Variants in DPP10 observed in about 807,000 individuals in gnomAD.
The protein encoded by DPP10 is inactive dipeptidyl peptidase 10.
A neutral mutation model predicts 120.9 loss-of-function variants in DPP10; 33 were observed. The observed-to-expected ratio is 0.27, with a 90% confidence interval of 0.21 to 0.37. The LOEUF is 0.37. Ranked by LOEUF, DPP10 falls within the 10% of genes least tolerant of loss-of-function variation. DPP10 has a pLI of 1.00. For synonymous variants in DPP10, 337 were observed against 326.1 expected (o/e 1.03, Z -0.36); for missense variants, 816 against 942.8 (o/e 0.87, Z 1.76).
intron 5 of DPP10, among the ~76,000 whole-genome samples, chr2:115,679,819 C>T (rs2090525593): frequency 6.6e-6 from 1 of 152,020 alleles, no homozygotes; most frequent in Admixed American, 6.6e-5. Context: ...AAGAGAAGAA[C>T]TGTGGTTATT....
intron 1 of DPP10, among the ~76,000 whole-genome samples, chr2:114,497,700 A>T (rs1380432731): frequency 6.6e-6 from 1 of 152,220 alleles, no homozygotes; most frequent in East Asian, 1.9e-4. Context: ...AGAGGATTTA[A>T]GTAATTTCAG....
At chr2:114,688,189 T>C (rs1303553995) in intron 1 of DPP10, among the ~76,000 whole-genome samples, 3 of 151,882 alleles carry the variant, frequency 2.0e-5, no homozygotes, top group African/African-American at 4.8e-5. Context: ...AACTAAAAAA[T>C]GATTAGTCAC....
chr2:115,192,230 T>G (rs2054933739), intron 1 of DPP10, among the ~76,000 whole-genome samples: 2 of 152,252 alleles, frequency 1.3e-5, no homozygotes, highest in African/African-American at 4.8e-5. Context: ...CAGTTGTACT[T>G]GGAAAGAAAA....
chr2:115,388,960 G>T (rs1478792576), intron 3 of DPP10, among the ~76,000 whole-genome samples: 1 of 152,070 alleles, frequency 6.6e-6, no homozygotes, highest in Non-Finnish European at 1.5e-5. Context: ...TTCAAGAGCT[G>T]CCTGGAATCA....
At chr2:114,881,590 G>GTCTA (rs1271235497) in intron 1 of DPP10, among the ~76,000 whole-genome samples, 2 of 129,624 alleles carry the variant, frequency 1.5e-5, no homozygotes, top group Admixed American at 8.0e-5. Flanking sequence ...CTGTCTGTCT[G>GTCTA]TCTGTCTGTC....
At chr2:115,677,951 G>T (rs2090391611) in intron 5 of DPP10, among the ~76,000 whole-genome samples, 1 of 152,166 alleles carries the variant, frequency 6.6e-6, no homozygotes, top group Admixed American at 6.5e-5. Flanking sequence ...TTATCCTTTA[G>T]CTGCAGAAGA....
chr2:115,021,197 C>T (rs912768446), intron 1 of DPP10, among the ~76,000 whole-genome samples: 5 of 151,632 alleles, frequency 3.3e-5, no homozygotes, highest in African/African-American at 9.7e-5. Context: ...TTGAAACAAA[C>T]AACAACAACA....
At chr2:114,963,827 G>C (rs957942520) in intron 1 of DPP10, among the ~76,000 whole-genome samples, 1 of 152,206 alleles carries the variant, frequency 6.6e-6, no homozygotes. Context: ...CCAATAGCTA[G>C]ATAAGAAGTG....
At chr2:114,600,140 T>C (rs1692248542) in intron 1 of DPP10, among the ~76,000 whole-genome samples, 1 of 151,680 alleles carries the variant, frequency 6.6e-6, no homozygotes, top group Admixed American at 6.6e-5. Context: ...TCTCTTTGTC[T>C]TCCTTCTGAG....
At chr2:114,855,450 A>G (rs62165244) in intron 1 of DPP10, among the ~76,000 whole-genome samples, 4,976 of 152,326 alleles carry the variant, frequency 0.033, 121 homozygotes, top group Non-Finnish European at 0.05. Flanking sequence ...GATATTTTCT[A>G]AACAACCCCT....
intron 1 of DPP10, among the ~76,000 whole-genome samples, chr2:114,570,157 T>C (rs1344782000): frequency 6.6e-6 from 1 of 152,218 alleles, no homozygotes; most frequent in Admixed American, 6.5e-5. Context: ...CCAGGTGCTA[T>C]ATATTGAAAA....
intron 10 of DPP10, among the ~76,000 whole-genome samples, chr2:115,751,862 G>A (rs1201870893): frequency 6.7e-6 from 1 of 150,240 alleles, no homozygotes; most frequent in African/African-American, 2.5e-5. Flanking sequence ...GCAGTGGCAC[G>A]ATCTCGGCTC....
intron 1 of DPP10, among the ~76,000 whole-genome samples, chr2:114,961,018 T>C (rs933419200): frequency 7.2e-6 from 1 of 139,560 alleles, no homozygotes; most frequent in Non-Finnish European, 1.5e-5. Context: ...AATAATTCTC[T>C]ACATCTCTAT....
chr2:114,553,875 A>G (rs1573637345), intron 1 of DPP10, among the ~76,000 whole-genome samples: 1 of 152,218 alleles, frequency 6.6e-6, no homozygotes, highest in African/African-American at 2.4e-5. Context: ...AGCAGCTTCC[A>G]CTGTTTCAGG....
chr2:115,212,774 A>G (rs904447403), intron 1 of DPP10, among the ~76,000 whole-genome samples: 7 of 152,188 alleles, frequency 4.6e-5, no homozygotes, highest in African/African-American at 1.7e-4. Flanking sequence ...ATGTGTACAT[A>G]TACATATTGG....
intron 1 of DPP10, among the ~76,000 whole-genome samples, chr2:114,494,101 C>CAAAAAAAAAAAAAAAAAAA (rs58552540): frequency 1.3e-5 from 1 of 77,162 alleles, no homozygotes; most frequent in Admixed American, 1.5e-4. Flanking sequence ...AGCAATAAGG[C>CAAAAAAAAAAAAAAAAAAA]AAAAAAAAAA....
intron 1 of DPP10, among the ~76,000 whole-genome samples, chr2:115,283,774 C>G (rs1051416270): frequency 1.3e-5 from 2 of 152,052 alleles, no homozygotes; most frequent in Non-Finnish European, 2.9e-5. Flanking sequence ...ACATATATGA[C>G]AGTGGTTCAA....
At chr2:115,379,802 C>T (rs1362310411) in intron 3 of DPP10, among the ~76,000 whole-genome samples, 1 of 152,140 alleles carries the variant, frequency 6.6e-6, no homozygotes, top group Non-Finnish European at 1.5e-5. Context: ...GCCTTCATTT[C>T]ATTATGTACC....
chr2:114,850,587 A>T (rs763529602), intron 1 of DPP10, among the ~76,000 whole-genome samples: 32 of 152,054 alleles, frequency 2.1e-4, no homozygotes, highest in Non-Finnish European at 3.4e-4. Context: ...GAGAGTCACA[A>T]TTCAGATCCT....
Sources: gnomAD v4.1 joint callset for allele counts (sites outside exome capture counted in the v4.1 genomes callset) on GRCh38, gnomAD v4.1.1 for gene constraint, MANE v1.5 for transcripts, NCBI Gene and HGNC (gene_info 2026-07-23, HGNC 2026-07-21) for gene names.